Variants in RBM20 observed in about 807,000 individuals in gnomAD.
RBM20 encodes the protein RNA-binding protein 20.
RBM20 carries 51 observed loss-of-function variants against 110.1 expected under a neutral mutation model. That is an observed-to-expected ratio of 0.46 (90% CI 0.37 to 0.59). The LOEUF is 0.59. RBM20 is among the 20% of genes least tolerant of loss of function. The pLI is 0.00. For synonymous variants in RBM20, 589 were observed against 618.2 expected (o/e 0.95, Z 0.70); for missense variants, 1,512 against 1,574.9 (o/e 0.96, Z 0.68).
At chr10:110,835,240 TA>T (rs1185875140) in intron 13 of RBM20, 2 of 152,238 alleles carry the variant, frequency 1.3e-5, no homozygotes, top group African/African-American at 4.8e-5. Flanking sequence ...GTCAAGCAGT[TA>T]GAACAGCACT....
intron 7 of RBM20, among the ~76,000 whole-genome samples, chr10:110,808,997 T>C (rs771090566): frequency 2.6e-5 from 4 of 152,040 alleles, no homozygotes; most frequent in African/African-American, 4.8e-5. Context: ...GGAGGATTGC[T>C]TGAGCCCGGG....
chr10:110,734,296 A>T (rs1224828277), intron 1 of RBM20, among the ~76,000 whole-genome samples: 1 of 152,226 alleles, frequency 6.6e-6, no homozygotes, highest in Admixed American at 6.5e-5. Context: ...GAGCAGAAAG[A>T]GGGATGGAGA....
intron 12 of RBM20, among the ~76,000 whole-genome samples, chr10:110,826,580 CTTCTTT>C (rs1844983783): frequency 8.0e-6 from 1 of 124,358 alleles, no homozygotes. Context: ...TTTCATTCTT[CTTCTTT>C]TTTTTTTTTT....
chr10:110,691,006 C>G lies in RBM20; in HGVS notation c.191+46361C>G, dbSNP rs80005541. ...CCCTCAAAATTCATATGTTGAGATA[C>G]TAACCCCCCATGTGATGGTATTAGG... On this transcript the variant is annotated intron_variant, in intron 1 of 13. Transcript: ENST00000369519. 4.0e-3 allele frequency among the ~76,000 whole-genome samples: 613 copies of G among 152,332 alleles called. 3 individuals are homozygous for G. The highest frequency in any genetic ancestry group is 6.7e-3 in the Admixed American group (103 of 15,308).
intron 1 of RBM20, among the ~76,000 whole-genome samples, chr10:110,748,833 A>G (rs941619516): frequency 2.0e-5 from 3 of 152,172 alleles, no homozygotes; most frequent in African/African-American, 7.2e-5. Flanking sequence ...GGACCTTTTC[A>G]TTACCCACAA....
chr10:110,757,610 C>T lies in RBM20; in HGVS notation c.192-23191C>T, dbSNP rs377081033. Among the ~76,000 whole-genome samples, 23 of 152,308 alleles carry T rather than the reference C, an allele frequency of 1.5e-4. No individual in the cohort carries two copies. In the East Asian group the frequency reaches 4.0e-3, roughly 27 times the overall value. On this transcript the variant is annotated intron_variant, in intron 1 of 13. Transcript: ENST00000369519. ...ACAAAAAGTGATACCATACTGAAGA[C>T]TGTCTAATGCTATATTAGAGGATAT...
intron 7 of RBM20, among the ~76,000 whole-genome samples, chr10:110,803,522 G>T (rs562876959): frequency 6.6e-6 from 1 of 152,080 alleles, no homozygotes. Context: ...TATTTCTAAC[G>T]AGGTCCCAGG....
chr10:110,697,267 T>C (rs4918561), intron 1 of RBM20, among the ~76,000 whole-genome samples: 90,992 of 152,090 alleles, frequency 0.6, 27,744 homozygotes, highest in Middle Eastern at 0.71. Context: ...TGAAGATGGG[T>C]GTCCATGCGT....
intron 1 of RBM20, among the ~76,000 whole-genome samples, chr10:110,710,563 A>G (rs1025224094): frequency 6.6e-6 from 1 of 152,232 alleles, no homozygotes; most frequent in African/African-American, 2.4e-5. Context: ...TCCCAGCCCC[A>G]GTAGGAAGGA....
chr10:110,648,794 G>T (rs10885004), intron 1 of RBM20, among the ~76,000 whole-genome samples: 26,152 of 151,990 alleles, frequency 0.17, 3,060 homozygotes, highest in African/African-American at 0.32. Flanking sequence ...ATCAGAAAAA[G>T]AAATTTTGCT....
At chr10:110,792,611 C>T (rs895200539) in intron 5 of RBM20, among the ~76,000 whole-genome samples, 2 of 152,322 alleles carry the variant, frequency 1.3e-5, no homozygotes, top group South Asian at 4.1e-4. Context: ...CTCCCACTGC[C>T]CTGACCCTGG....
At chr10:110,758,885 A>G (rs560624913) in intron 1 of RBM20, among the ~76,000 whole-genome samples, 34 of 152,370 alleles carry the variant, frequency 2.2e-4, no homozygotes, top group African/African-American at 7.9e-4. Flanking sequence ...TGGATCCAAC[A>G]TGAGATCCCT....
intron 1 of RBM20, among the ~76,000 whole-genome samples, chr10:110,647,051 G>A (rs1379426485): frequency 6.6e-6 from 1 of 152,150 alleles, no homozygotes; most frequent in Non-Finnish European, 1.5e-5. Context: ...TGCATAGTGC[G>A]TTTGAAGATT....
At chr10:110,811,445 T>A (rs1001367737) in intron 8 of RBM20, among the ~76,000 whole-genome samples, 2 of 152,316 alleles carry the variant, frequency 1.3e-5, no homozygotes, top group Non-Finnish European at 2.9e-5. Context: ...GAATCTTTAT[T>A]TGTTTATTAG....
intron 11 of RBM20, among the ~76,000 whole-genome samples, chr10:110,822,912 A>G (rs1251294421): frequency 6.6e-6 from 1 of 152,166 alleles, no homozygotes; most frequent in Non-Finnish European, 1.5e-5. Flanking sequence ...GGCTCTGTCT[A>G]GAGAAGGCAA....
intron 1 of RBM20, among the ~76,000 whole-genome samples, chr10:110,769,260 TTG>T (rs1330327396): frequency 6.9e-6 from 1 of 145,736 alleles, no homozygotes; most frequent in African/African-American, 2.6e-5. Flanking sequence ...AACCTTTTTT[TTG>T]TTGTTGTTTA....
In RBM20 at chr10:110,646,968, G is replaced by A. The variant is rs145068498; in HGVS notation, c.191+2323G>A. Reference sequence around the variant, plus strand: ...TATTTTTTCTAGTTATTTTAGTGAGGTCGTTATGTAACTGGTAAGAGGAGA... The same window carrying A: ...TATTTTTTCTAGTTATTTTAGTGAGATCGTTATGTAACTGGTAAGAGGAGA... On this transcript the variant is annotated intron_variant, in intron 1 of 13. Transcript: ENST00000369519. Among the ~76,000 whole-genome samples, 275 of 152,260 alleles carry A rather than the reference G, an allele frequency of 1.8e-3. 2 individuals carry two copies. The highest frequency in any genetic ancestry group is 6.5e-3 in the African/African-American group (269 of 41,558).
intron 1 of RBM20, among the ~76,000 whole-genome samples, chr10:110,672,589 G>A (rs938328533): frequency 6.6e-6 from 1 of 152,232 alleles, no homozygotes; most frequent in Non-Finnish European, 1.5e-5. Flanking sequence ...GCGCCCCCAC[G>A]GTTCTCCAGC....
At chr10:110,748,981 C>T (rs1843819670) in intron 1 of RBM20, among the ~76,000 whole-genome samples, 1 of 152,210 alleles carries the variant, frequency 6.6e-6, no homozygotes, top group Non-Finnish European at 1.5e-5. Context: ...TTAGGCCTTA[C>T]TCTCAAGGAG....
Sources: gnomAD v4.1 joint callset for allele counts (sites outside exome capture counted in the v4.1 genomes callset) on GRCh38, gnomAD v4.1.1 for gene constraint, MANE v1.5 for transcripts, NCBI Gene and HGNC (gene_info 2026-07-23, HGNC 2026-07-21) for gene names.